ZNF804B: variants seen among roughly 807,000 people sequenced by gnomAD.
ZNF804B encodes the protein zinc finger 804B.
ZNF804B carries 80 observed loss-of-function variants against 101.4 expected under a neutral mutation model. The observed-to-expected ratio is 0.79, with a 90% CI of 0.66 to 0.95. ZNF804B has a LOEUF of 0.95. Among genes scored for constraint, ZNF804B ranks in the 40% least tolerant of loss-of-function variants. ZNF804B has a pLI of 0.00. For synonymous variants in ZNF804B, 622 were observed against 558.8 expected, an observed-to-expected ratio of 1.11 and a Z score of -1.59; for missense variants, 1,673 against 1,561.9, an observed-to-expected ratio of 1.07 and a Z score of -1.20.
chr7:89,076,511 T>A (rs1258328713), intron 1 of ZNF804B, among the ~76,000 whole-genome samples: 1 of 152,140 alleles, frequency 6.6e-6, no homozygotes, highest in African/African-American at 2.4e-5. Flanking sequence ...TTCTTCCCAG[T>A]CTCAGGTATG....
chr7:89,144,895 C>G (rs1419522363), intron 1 of ZNF804B, among the ~76,000 whole-genome samples: 1 of 151,838 alleles, frequency 6.6e-6, no homozygotes, highest in Non-Finnish European at 1.5e-5. Flanking sequence ...AGTTGGAGCT[C>G]AGGAGTTATA....
chr7:89,198,114 C>A (rs906707269), intron 1 of ZNF804B, among the ~76,000 whole-genome samples: 1 of 151,700 alleles, frequency 6.6e-6, no homozygotes, highest in Admixed American at 6.6e-5. Context: ...TAAATCTTTG[C>A]AAATACATAT....
chr7:89,014,864 C>T (rs974099001), intron 1 of ZNF804B, among the ~76,000 whole-genome samples: 3 of 152,158 alleles, frequency 2.0e-5, no homozygotes, highest in African/African-American at 7.2e-5. Flanking sequence ...TTGATATAAT[C>T]ACACTTGTTT....
intron 1 of ZNF804B, among the ~76,000 whole-genome samples, chr7:89,148,347 G>T (rs1416339615): frequency 6.6e-6 from 1 of 151,988 alleles, no homozygotes; most frequent in Non-Finnish European, 1.5e-5. Context: ...GAAAGTGTTT[G>T]CAGTGTGTAT....
chr7:89,289,284 A>C (rs740957), intron 2 of ZNF804B, among the ~76,000 whole-genome samples: 1 of 151,940 alleles, frequency 6.6e-6, no homozygotes. Context: ...AAGATGGCCA[A>C]ATAGAAGGCT....
chr7:88,917,644 T>C (rs1324398034), intron 1 of ZNF804B, among the ~76,000 whole-genome samples: 1 of 152,166 alleles, frequency 6.6e-6, no homozygotes, highest in African/African-American at 2.4e-5. Flanking sequence ...AAATAGTGAT[T>C]ATAAGACATT....
chr7:89,179,865 G>T (rs187456290), intron 1 of ZNF804B, among the ~76,000 whole-genome samples: 145 of 152,274 alleles, frequency 9.5e-4, no homozygotes, highest in Middle Eastern at 3.4e-3. Context: ...ATTAGAGGGT[G>T]CCCCAAGCCC....
In ZNF804B at chr7:89,337,116, TAA is replaced by T; in HGVS notation, c.*85_*86del. 1 of 1,343,732 alleles carries T rather than the reference TAA, an allele frequency of 7.4e-7. No homozygotes were observed. The highest frequency in any genetic ancestry group is 1.5e-5 in the South Asian group (1 of 65,420). 83.2% of individuals were successfully genotyped at this position (1,343,732 alleles called of 1,614,324 possible). On this transcript the variant is annotated 3_prime_UTR_variant, in exon 4 of 4. Transcript: ENST00000333190. ...TACATTTAAAGAAGTCTGTCAATTA[TAA>T]GATTTAAAATATTGCTGCCAATTCA...
intron 1 of ZNF804B, among the ~76,000 whole-genome samples, chr7:88,968,516 A>G (rs1324218589): frequency 6.6e-6 from 1 of 151,554 alleles, no homozygotes; most frequent in African/African-American, 2.4e-5. Flanking sequence ...TTGTGTTTTC[A>G]TGTCTTTCTT....
chr7:88,877,020 ATATATAATAT>A (rs1159689482), intron 1 of ZNF804B, among the ~76,000 whole-genome samples: 13 of 71,674 alleles, frequency 1.8e-4, no homozygotes, highest in South Asian at 1.4e-3. Context: ...ATATATATAT[ATATATAATAT>A]ATATATATAT....
intron 1 of ZNF804B, among the ~76,000 whole-genome samples, chr7:88,993,892 C>T (rs183787125): frequency 6.6e-6 from 1 of 151,978 alleles, no homozygotes; most frequent in African/African-American, 2.4e-5. Flanking sequence ...AGTGATTATA[C>T]AGGCTCTCTC....
intron 1 of ZNF804B, among the ~76,000 whole-genome samples, chr7:89,025,491 C>T (rs1788735334): frequency 6.6e-6 from 1 of 152,020 alleles, no homozygotes; most frequent in African/African-American, 2.4e-5. Flanking sequence ...CAATTATGCA[C>T]GTTTGCCCAG....
At chr7:88,870,384 C>CAAAA (rs1212123301) in intron 1 of ZNF804B, among the ~76,000 whole-genome samples, 2 of 36,064 alleles carry the variant, frequency 5.5e-5, no homozygotes, top group African/African-American at 1.2e-4. Flanking sequence ...AACTCCGTCT[C>CAAAA]AAAAAAAAAA....
intron 2 of ZNF804B, among the ~76,000 whole-genome samples, chr7:89,268,341 T>C (rs1789830084): frequency 6.6e-6 from 1 of 152,162 alleles, no homozygotes; most frequent in Non-Finnish European, 1.5e-5. Context: ...TTAAAACATC[T>C]AGGGAAGTCA....
chr7:88,794,558 T>C, intron 1 of ZNF804B: 5 of 1,613,680 alleles, frequency 3.1e-6, no homozygotes, highest in Non-Finnish European at 4.2e-6. Context: ...ATAATTTTCA[T>C]TTGTTGAATA....
chr7:89,282,792 G>A (rs984820452), intron 2 of ZNF804B, among the ~76,000 whole-genome samples: 5 of 152,178 alleles, frequency 3.3e-5, no homozygotes, highest in African/African-American at 1.2e-4. Context: ...GAGTGATGCA[G>A]TCACAAGCCA....
At chr7:89,296,374 C>G (rs1790384613) in intron 2 of ZNF804B, among the ~76,000 whole-genome samples, 1 of 151,830 alleles carries the variant, frequency 6.6e-6, no homozygotes, top group South Asian at 2.1e-4. Context: ...TGTTATGAAG[C>G]TTTCTGCTTG....
chr7:89,035,083 G>C (rs886598882), intron 1 of ZNF804B, among the ~76,000 whole-genome samples: 1 of 152,144 alleles, frequency 6.6e-6, no homozygotes, highest in Non-Finnish European at 1.5e-5. Flanking sequence ...GCATTTTGGA[G>C]AAATATGATG....
intron 3 of ZNF804B, among the ~76,000 whole-genome samples, chr7:89,331,825 T>A (rs903698950): frequency 6.6e-6 from 1 of 151,496 alleles, no homozygotes; most frequent in Non-Finnish European, 1.5e-5. Context: ...AAGGATATAT[T>A]CAGGAGAGCC....
Sources: gnomAD v4.1 joint callset for allele counts (sites outside exome capture counted in the v4.1 genomes callset) on GRCh38, gnomAD v4.1.1 for gene constraint, MANE v1.5 for transcripts, NCBI Gene and HGNC (gene_info 2026-07-23, HGNC 2026-07-21) for gene names.